The following TEX9 variants were observed in gnomAD, a reference collection of about 807,000 sequenced individuals.
The protein encoded by TEX9 is testis expressed 9, also known as testis-expressed protein 9.
TEX9 carries 74 observed loss-of-function variants against 59.6 expected under a neutral mutation model. The observed-to-expected ratio is 1.24, with a 90% CI of 1.03 to 1.51. The LOEUF is 1.51. Among genes scored for constraint, TEX9 ranks in the 40% most tolerant of loss-of-function variants. The probability of loss-of-function intolerance (pLI) is 0.00; values close to 1 mark genes in which losing one functional copy is unlikely to be tolerated. For missense variants in TEX9, 522 were observed against 447.8 expected, an observed-to-expected ratio of 1.17 and a Z score of -1.49; for synonymous variants, 186 against 152.2, an observed-to-expected ratio of 1.22 and a Z score of -1.64.
intron 1 of TEX9, among the ~76,000 whole-genome samples, chr15:56,272,934 A>ATTTT (rs1303633928): frequency 1.1e-4 from 14 of 129,610 alleles, no homozygotes; most frequent in Non-Finnish European, 2.1e-4. Context: ...TTATTTATTT[A>ATTTT]TTTATTTTTT....
intron 1 of TEX9, among the ~76,000 whole-genome samples, chr15:56,258,580 C>T (rs1178606057): frequency 6.6e-6 from 1 of 151,978 alleles, no homozygotes; most frequent in Non-Finnish European, 1.5e-5. Flanking sequence ...TGATTTGGCT[C>T]TTGGCTTGCC....
upstream of TEX9, among the ~76,000 whole-genome samples, chr15:56,362,458 C>T (rs369349282): frequency 2.5e-4 from 38 of 152,248 alleles, no homozygotes; most frequent in East Asian, 5.8e-3. Flanking sequence ...ATTAATATAG[C>T]GACTCCAGCT....
intron 1 of TEX9, among the ~76,000 whole-genome samples, chr15:56,313,992 G>GAT: frequency 8.2e-6 from 1 of 122,254 alleles, no homozygotes. Context: ...GATCGGTGAT[G>GAT]ATATCCCCTT....
At position 56,332,248 on chromosome 15, in the gene TEX9, A is replaced by G. The variant is rs558467787; in HGVS notation, c.-106-41193A>G. Among the ~76,000 whole-genome samples the G allele has an allele frequency of 1.2e-3, 185 of 150,556 alleles. 1 individual carries two copies. The highest frequency in any genetic ancestry group is 4.3e-3 in the African/African-American group (177 of 40,982). ...ATGTCCAACAATGATAGACTGGATT[A>G]AGAAAATGTGGCACACATACACCAT... On this transcript the variant is annotated intron_variant, in intron 1 of 5. Coordinates refer to the TEX9 transcript ENST00000560827.
chr15:56,278,383 CA>C (rs2044731464), intron 1 of TEX9, among the ~76,000 whole-genome samples: 1 of 152,088 alleles, frequency 6.6e-6, no homozygotes, highest in South Asian at 2.1e-4. Flanking sequence ...TCCCTCAATC[CA>C]AAAAAGATTA....
intron 1 of TEX9, among the ~76,000 whole-genome samples, chr15:56,339,400 A>AC (rs1172618547): frequency 0.28 from 37,606 of 135,250 alleles, 8,443 homozygotes; most frequent in Non-Finnish European, 0.4. Flanking sequence ...AAAAAAAAAA[A>AC]AAAAAAAAAA....
At chr15:56,354,787 A>G (rs1268593937) in intron 1 of TEX9, among the ~76,000 whole-genome samples, 1 of 152,220 alleles carries the variant, frequency 6.6e-6, no homozygotes, top group Non-Finnish European at 1.5e-5. Flanking sequence ...GAGAAAATAG[A>G]AAATAGTGGT....
intron 9 of TEX9, chr15:56,398,311 A>C (rs2048579720): frequency 6.8e-6 from 1 of 146,270 alleles, no homozygotes; most frequent in Non-Finnish European, 1.5e-5. Flanking sequence ...TAAGTGAAAT[A>C]TGTTATTAAA....
chr15:56,247,464 G>C (rs758936131), intron 1 of TEX9, among the ~76,000 whole-genome samples: 2 of 152,186 alleles, frequency 1.3e-5, no homozygotes, highest in African/African-American at 2.4e-5. Context: ...AATAGGAGTT[G>C]AGTAGGCAGA....
At chr15:56,312,069 G>A (rs1203493241) in intron 1 of TEX9, among the ~76,000 whole-genome samples, 26 of 150,970 alleles carry the variant, frequency 1.7e-4, no homozygotes, top group Non-Finnish European at 3.1e-4. Context: ...AGTAGGTTGC[G>A]AAAATTTTCT....
At chr15:56,245,906 G>C (rs1210057848) in intron 1 of TEX9, among the ~76,000 whole-genome samples, 5 of 152,110 alleles carry the variant, frequency 3.3e-5, no homozygotes, top group Non-Finnish European at 7.3e-5. Flanking sequence ...TCACGTTGAG[G>C]AAAGTTGCCA....
intron 2 of TEX9, among the ~76,000 whole-genome samples, chr15:56,372,803 A>G (rs2047250748): frequency 6.6e-6 from 1 of 152,218 alleles, no homozygotes; most frequent in Non-Finnish European, 1.5e-5. Flanking sequence ...TGCAGTCTTA[A>G]TATAGGACCA....
intron 1 of TEX9, among the ~76,000 whole-genome samples, chr15:56,287,800 CACTTA>C (rs1277416692): frequency 1.3e-5 from 2 of 152,148 alleles, no homozygotes; most frequent in Non-Finnish European, 1.5e-5. Context: ...TGCCTTATTT[CACTTA>C]ACTTAATGTC....
At chr15:56,443,605 T>C in intron 12 of TEX9, 1 of 1,594,344 alleles carries the variant, frequency 6.3e-7, no homozygotes, top group Non-Finnish European at 8.5e-7. Context: ...TTTCAGAATT[T>C]TACTAGTGTT....
chr15:56,249,027 A>G (rs2043938486), intron 1 of TEX9: 1 of 152,162 alleles, frequency 6.6e-6, no homozygotes, highest in African/African-American at 2.4e-5. Context: ...AAGTAGTAAA[A>G]TATTGTTCTC....
chr15:56,316,068 G>T (rs1421211186), intron 1 of TEX9, among the ~76,000 whole-genome samples: 1 of 148,852 alleles, frequency 6.7e-6, no homozygotes, highest in African/African-American at 2.4e-5. Context: ...TTTTTTCAAA[G>T]TTTTCAACTT....
rs60361737 is a variant in TEX9 at position 56,300,708 on chromosome 15, GGAGAGAGAGAGA to G, written c.-107+56457_-107+56468del. Among the ~76,000 whole-genome samples, 597 of 102,728 alleles carry G rather than the reference GGAGAGAGAGAGA, an allele frequency of 5.8e-3. 6 individuals are homozygous for G. The highest frequency in any genetic ancestry group is 0.024 in the South Asian group (66 of 2,792). The allele number at this position is 102,728 out of a possible 152,430, so 67.4% of individuals were successfully genotyped here. On this transcript the variant is annotated intron_variant, in intron 1 of 5. Coordinates refer to the TEX9 transcript ENST00000560827. ...AGCAGAGAGAGAGAGAGAGAGAGAG[GGAGAGAGAGAGA>G]GAGAGAGAGAGAGAGAGAGAGAGAG...
At chr15:56,426,638 AACAC>A (rs142167770) in intron 10 of TEX9, among the ~76,000 whole-genome samples, 24,332 of 77,220 alleles carry the variant, frequency 0.32, 4,597 homozygotes, top group Non-Finnish European at 0.44. Flanking sequence ...CACACACACA[AACAC>A]ACACACACAC....
intron 1 of TEX9, among the ~76,000 whole-genome samples, chr15:56,288,021 C>G (rs544514574): frequency 5.1e-4 from 78 of 152,198 alleles, no homozygotes; most frequent in Non-Finnish European, 9.7e-4. Flanking sequence ...GATTTCATGT[C>G]CTTTGGATAT....
Sources: allele counts gnomAD v4.1 joint callset (sites outside exome capture counted in the v4.1 genomes callset), GRCh38; gene constraint gnomAD v4.1.1; transcripts MANE v1.5; gene names NCBI Gene and HGNC (gene_info 2026-07-23, HGNC 2026-07-21).